SEC14L6: variants seen among roughly 807,000 people sequenced by gnomAD.
SEC14L6 encodes the protein SEC14 like lipid binding 6.
In SEC14L6, 40 loss-of-function variants were observed where a neutral mutation model predicts 54.1. The ratio of observed to expected loss-of-function variants is 0.74; its 90% CI spans 0.57 to 0.96. The LOEUF is 0.96. Among genes scored for constraint, SEC14L6 ranks in the 40% least tolerant of loss-of-function variants. The pLI is 0.00. For missense variants in SEC14L6, 471 were observed against 498.3 expected (o/e 0.95, Z 0.52); for synonymous variants, 171 against 198.4 (o/e 0.86, Z 1.16).
At chr22:30,545,171 G>A (rs2085786345) in intron 1 of SEC14L6, among the ~76,000 whole-genome samples, 1 of 152,080 alleles carries the variant, frequency 6.6e-6, no homozygotes, top group South Asian at 2.1e-4. Flanking sequence ...ACCTTCAAGG[G>A]ACTCCTCCCA....
chr22:30,536,917 A>G (rs1408752272), intron 2 of SEC14L6, among the ~76,000 whole-genome samples: 1 of 147,732 alleles, frequency 6.8e-6, no homozygotes, highest in South Asian at 2.2e-4. Context: ...CCAGCTACTC[A>G]GGAGGCTGAG....
Position 30,525,473 on chromosome 22 carries a change from G to A in SEC14L6, c.958C>T (p.Leu320=), listed in dbSNP as rs867598790. The A allele has an allele frequency of 6.2e-7, 1 of 1,614,016 alleles. No homozygotes were observed. The highest frequency in any genetic ancestry group is 2.2e-5 in the East Asian group (1 of 44,894). The change falls in exon 11 of 12, where the codon CTG becomes TTG. Residue 320 remains leucine, a synonymous_variant. Coordinates refer to ENST00000402034, the MANE Select transcript of SEC14L6 (RefSeq NM_001193336.4). ...TGCCGCTCCCCCATCTTGGTCTTCAGGAAAACCCCAAAGCCAATGTCCCCA... is the reference window on the plus strand; with the variant it reads ...TGCCGCTCCCCCATCTTGGTCTTCAAGAAAACCCCAAAGCCAATGTCCCCA... ...DGGDIGFGVF[L]KTKMGERQRA...
Position 30,525,335 on chromosome 22 carries a change from C to A in SEC14L6, c.1081+15G>T, listed in dbSNP as rs927818228. On this transcript the variant is annotated intron_variant, in intron 11 of 11. Transcript: ENST00000402034. ...GCCCCCAGCTCCAGGTAGAGCCATC[C>A]CTGCCAACTCTTACAGCTGCCGGCC... The A allele has an allele frequency of 6.2e-7, 1 of 1,613,038 alleles. No homozygotes were observed.
chr22:30,531,139 G>A (rs1043416909), intron 6 of SEC14L6, among the ~76,000 whole-genome samples: 4 of 152,244 alleles, frequency 2.6e-5, no homozygotes, highest in African/African-American at 7.2e-5. Context: ...CAGGTGCGGC[G>A]GTTCACACCT....
chr22:30,531,425 GAAAAGAAAAA>G (rs1257933290), intron 6 of SEC14L6, among the ~76,000 whole-genome samples: 2 of 142,448 alleles, frequency 1.4e-5, no homozygotes, highest in Admixed American at 7.1e-5. Flanking sequence ...GAAAAGAAAA[GAAAAGAAAAA>G]AAAAACGGGC....
At position 30,534,039 on chromosome 22, in the gene SEC14L6, GC is replaced by G; in HGVS notation, c.131-1del. On this transcript the variant is annotated splice_acceptor_variant, in intron 2 of 11. Transcript: ENST00000402034. LOFTEE classifies it high-confidence loss of function. ...TGATTTCTGCAGGTCAAAGCTCCGA[GC>G]TGCAACAAGAGACAGGGTTATGGTT... 1 of 1,550,830 alleles carries G rather than the reference GC, an allele frequency of 6.4e-7. No homozygotes were observed. The highest frequency in any genetic ancestry group is 1.2e-5 in the South Asian group (1 of 84,048).
intron 1 of SEC14L6, among the ~76,000 whole-genome samples, chr22:30,540,680 C>T (rs998534567): frequency 6.7e-6 from 1 of 149,362 alleles, no homozygotes; most frequent in African/African-American, 2.5e-5. Flanking sequence ...CATGTCACTG[C>T]ACTCCAGCCT....
In SEC14L6 at chr22:30,524,614, T is replaced by C. The variant is rs533005656; in HGVS notation, c.*383A>G. 179 of 162,128 alleles carry C rather than the reference T, an allele frequency of 1.1e-3. No individual in the cohort carries two copies. Among genetic ancestry groups the C allele is most frequent in the Middle Eastern group, 3.2e-3 (1 of 312 alleles). 10.0% of individuals were successfully genotyped at this position (162,128 alleles called of 1,614,324 possible). On this transcript the variant is annotated 3_prime_UTR_variant, in exon 12 of 12. Transcript: ENST00000402034. ...CTGGTCTCGAACTCCTGACCTCAAA[T>C]GATCTGCCCGCCTTGGCTTCCCAAA...
intron 2 of SEC14L6, among the ~76,000 whole-genome samples, chr22:30,535,642 T>G (rs1937118077): frequency 6.6e-6 from 1 of 152,200 alleles, no homozygotes; most frequent in African/African-American, 2.4e-5. Context: ...AAAGACATTC[T>G]AGTTAGAAGA....
At chr22:30,544,104 A>G in intron 1 of SEC14L6, 1 of 1,413,030 alleles carries the variant, frequency 7.1e-7, no homozygotes, top group Admixed American at 1.7e-5. Context: ...GGTTTGCTCT[A>G]GCACCCATCT....
chr22:30,532,366 C>T (rs1176899847), intron 5 of SEC14L6, 159 bp downstream of exon 5: 15 of 916,362 alleles, frequency 1.6e-5, no homozygotes, highest in East Asian at 1.2e-4. Context: ...TACTGTGTGG[C>T]CTTGGGTGGG....
chr22:30,529,313 A>T lies in SEC14L6; in HGVS notation c.556T>A (p.Leu186Met). 2 of 1,550,532 alleles carry T rather than the reference A, an allele frequency of 1.3e-6. No homozygotes were observed. The highest frequency in any genetic ancestry group is 1.7e-6 in the Non-Finnish European group (2 of 1,146,958). The part of the protein sequence containing the change: ...SALEANYPEI[L>M]KSLIVVRAPK... Reference sequence around the variant, plus strand: ...CCTCTCACAACAATTAAACTCTTCAAGATCTCAGGGTAATTTGCTTCAAGT... The same window carrying T: ...CCTCTCACAACAATTAAACTCTTCATGATCTCAGGGTAATTTGCTTCAAGT... Residue 186 changes from leucine (L) to methionine (M), a missense_variant, in exon 7 of 12, where the codon TTG (leucine) becomes ATG (methionine). By Grantham distance (15) the Leu-to-Met change is conservative (BLOSUM62 2). Transcript: ENST00000402034.
At chr22:30,529,007 A>G in intron 8 of SEC14L6, 80 bp downstream of exon 8, 1 of 1,242,000 alleles carries the variant, frequency 8.1e-7, no homozygotes, top group Non-Finnish European at 1.1e-6. Flanking sequence ...CTTCGGATGC[A>G]GGAACCATCA....
At chr22:30,542,642 C>CCA in intron 1 of SEC14L6, 2 of 1,549,162 alleles carry the variant, frequency 1.3e-6, no homozygotes. Flanking sequence ...GCGTCCTGCG[C>CCA]CTGGTCAGGA....
At chr22:30,536,788 G>C (rs994801285) in intron 2 of SEC14L6, among the ~76,000 whole-genome samples, 10 of 152,114 alleles carry the variant, frequency 6.6e-5, no homozygotes, top group African/African-American at 2.4e-4. Context: ...ACTTTGGGAG[G>C]CTGAGGCAGG....
intron 5 of SEC14L6, 167 bp downstream of exon 5, chr22:30,532,358 C>CT (rs1937006985): frequency 1.1e-6 from 1 of 908,368 alleles, no homozygotes; most frequent in South Asian, 5.1e-5. Flanking sequence ...CAGCCACATA[C>CT]TGTGTGGCCT....
intron 8 of SEC14L6, among the ~76,000 whole-genome samples, chr22:30,528,009 T>C (rs1254435406): frequency 6.6e-6 from 1 of 151,912 alleles, no homozygotes. Context: ...AAAAAGATAG[T>C]GTTAATTGTA....
intron 1 of SEC14L6, 68 bp from the exon 2 acceptor site, chr22:30,538,970 C>T (rs2085649286): frequency 8.9e-7 from 1 of 1,119,764 alleles, no homozygotes; most frequent in Non-Finnish European, 1.3e-6. Context: ...TCTCAACTGT[C>T]CTTGAGGAAG....
At position 30,532,558 on chromosome 22, in the gene SEC14L6, C is replaced by T. The variant is rs966816868; in HGVS notation, c.390G>A (p.Leu130=). The T allele has an allele frequency of 1.3e-6, 2 of 1,550,334 alleles. No individual in the cohort carries two copies. Among genetic ancestry groups the T allele is most frequent in the African/African-American group, 2.7e-5 (2 of 73,056 alleles). The change falls in exon 5 of 12, where the codon CTG becomes CTA. Residue 130 remains leucine, a synonymous_variant. Coordinates refer to ENST00000402034, the MANE Select transcript of SEC14L6 (RefSeq NM_001193336.4). ...LLRDSFRSCE[L]LLRECELQSQ... is the part of the protein sequence containing the mutation. Reference sequence around the variant, plus strand: ...TCTGCAGCTCACACTCCCGCAGGAGCAGCTCGCAGCTCCGGAAGCTGTCCC... The same window carrying T: ...TCTGCAGCTCACACTCCCGCAGGAGTAGCTCGCAGCTCCGGAAGCTGTCCC...
Sources: gnomAD v4.1 joint callset for allele counts (sites outside exome capture counted in the v4.1 genomes callset) on GRCh38, gnomAD v4.1.1 for gene constraint, MANE v1.5 for transcripts, NCBI Gene and HGNC (gene_info 2026-07-23, HGNC 2026-07-21) for gene names.